Variants in GJA8 observed in about 807,000 individuals in gnomAD.
GJA8 encodes the protein gap junction alpha-8 protein.
Under a neutral mutation model 15.3 loss-of-function variants are expected in GJA8, and 13 were observed. That is an observed-to-expected ratio of 0.85 (90% confidence interval 0.55 to 1.35). GJA8 has a LOEUF of 1.35. Ranked by LOEUF, GJA8 falls within the 40% of genes most tolerant of loss-of-function variation. The pLI is 0.00. For missense variants in GJA8, 607 were observed against 553.3 expected, an observed-to-expected ratio of 1.10 and a Z score of -0.97; for synonymous variants, 304 against 238.7, an observed-to-expected ratio of 1.27 and a Z score of -2.52.
Position 147,909,021 on chromosome 1 carries a change from C to A in GJA8, c.1066C>A (p.Leu356Met). 6.3e-7 allele frequency: 1 copy of A among 1,595,398 alleles called. No individual in the cohort carries two copies. Among genetic ancestry groups the A allele is most frequent in the Non-Finnish European group, 8.5e-7 (1 of 1,170,470 alleles). ...AGAGAAGAAGGAGGAAGCAGAGAGG[C>A]TGACCACGGAGGAGCAGGAGAAGGT... ...VGEKKEEAERLTTEEQEKVAV... is the reference protein window; with the variant it reads ...VGEKKEEAERMTTEEQEKVAV... The change falls in exon 2 of 2, where the codon CTG (leucine) becomes ATG (methionine). Residue 356 changes from leucine (L) to methionine (M), a missense_variant. Leu to Met is a conservative substitution (Grantham distance 15, BLOSUM62 2). Coordinates refer to ENST00000369235, the MANE Select transcript of GJA8 (RefSeq NM_005267.5).
intron 1 of GJA8, among the ~76,000 whole-genome samples, 134 bp downstream of exon 1, chr1:147,902,995 G>A (rs1651664381): frequency 6.6e-6 from 1 of 152,118 alleles, no homozygotes; most frequent in Non-Finnish European, 1.5e-5. Flanking sequence ...GGGCTGGGAT[G>A]GCTAGACTTA....
At chr1:147,909,334 T>C (rs587770903), downstream of GJA8, 781 of 1,103,054 alleles carry the variant, frequency 7.1e-4, 12 homozygotes, top group South Asian at 9.8e-3. Flanking sequence ...CAACATGATC[T>C]GAATCTTCTG....
chr1:147,907,712 T>C (rs587743477), intron 1 of GJA8, among the ~76,000 whole-genome samples: 2 of 152,232 alleles, frequency 1.3e-5, no homozygotes, highest in Admixed American at 6.5e-5. Context: ...GAATAGGTAT[T>C]ATTATTATTA....
At chr1:147,904,983 C>G (rs1350839165) in intron 1 of GJA8, among the ~76,000 whole-genome samples, 1 of 152,156 alleles carries the variant, frequency 6.6e-6, no homozygotes, top group Non-Finnish European at 1.5e-5. Flanking sequence ...TATCATGACA[C>G]TCTTGTCAAG....
downstream of GJA8, among the ~76,000 whole-genome samples, chr1:147,914,234 G>A (rs926317472): frequency 6.6e-5 from 10 of 152,170 alleles, no homozygotes; most frequent in Admixed American, 5.9e-4. Flanking sequence ...GAATTCATAA[G>A]GTTGTCTGAA....
downstream of GJA8, chr1:147,909,298 T>G (rs1359857172): frequency 7.3e-7 from 1 of 1,363,170 alleles, no homozygotes; most frequent in East Asian, 2.3e-5. Context: ...CAAGCTTACG[T>G]AGGGCAAGAT....
In GJA8 at chr1:147,907,739, G is replaced by A. The variant is rs147893095; in HGVS notation, c.-11-206G>A. Reference sequence around the variant, plus strand: ...TTATTATTAAACCCATTTTACAGATGAGGAAGCGGATGGAAGCACATTCTT... The same window carrying A: ...TTATTATTAAACCCATTTTACAGATAAGGAAGCGGATGGAAGCACATTCTT... On this transcript the variant is annotated intron_variant, in intron 1 of 1. Transcript: ENST00000369235. 5.8e-3 allele frequency among the ~76,000 whole-genome samples: 889 copies of A among 152,270 alleles called. 8 individuals carry two copies. Among genetic ancestry groups the A allele is most frequent in the African/African-American group, 0.02 (835 of 41,526 alleles).
At chr1:147,912,571 A>G (rs1652207394), downstream of GJA8, among the ~76,000 whole-genome samples, 1 of 152,160 alleles carries the variant, frequency 6.6e-6, no homozygotes, top group African/African-American at 2.4e-5. Context: ...ACCACTCAGC[A>G]TCTGTTTTGA....
At chr1:147,912,895 T>TAA (rs782718322), downstream of GJA8, among the ~76,000 whole-genome samples, 20 of 118,982 alleles carry the variant, frequency 1.7e-4, no homozygotes, top group Admixed American at 3.5e-4. Flanking sequence ...GGGCATTATT[T>TAA]AAAAAAAAAA....
chr1:147,903,788 A>C (rs2149013100), intron 1 of GJA8, among the ~76,000 whole-genome samples: 2 of 152,308 alleles, frequency 1.3e-5, no homozygotes, highest in Middle Eastern at 3.4e-3. Context: ...CAATGTAGTA[A>C]ATGTTTCACC....
Position 147,908,952 on chromosome 1 carries a change from G to A in GJA8, c.997G>A (p.Gly333Ser), listed in dbSNP as rs587600450. Reference protein sequence around the residue: ...YAQVGAQEVEGEGPPAEEGAE... With the variant: ...YAQVGAQEVESEGPPAEEGAE... ...TCAGGTGGGGGCACAAGAAGTGGAG[G>A]GCGAGGGGCCGCCTGCAGAGGAGGG... is the stretch of plus-strand genomic sequence containing the variant. Residue 333 changes from glycine (G) to serine (S), a missense_variant, in exon 2 of 2, where the codon GGC (glycine) becomes AGC (serine). By Grantham distance (56) the Gly-to-Ser change is moderately conservative. Coordinates refer to ENST00000369235, the MANE Select transcript of GJA8 (RefSeq NM_005267.5). The A allele has an allele frequency of 1.2e-5, 20 of 1,606,398 alleles. No homozygotes were observed. The highest frequency in any genetic ancestry group is 1.6e-5 in the Non-Finnish European group (19 of 1,175,216).
intron 1 of GJA8, among the ~76,000 whole-genome samples, chr1:147,907,062 T>G (rs1286010266): frequency 6.6e-6 from 1 of 151,842 alleles, no homozygotes; most frequent in African/African-American, 2.4e-5. Flanking sequence ...GTTTTTAAAG[T>G]TTTTTGTAGA....
At chr1:147,903,533 G>A (rs1325326243) in intron 1 of GJA8, among the ~76,000 whole-genome samples, 9 of 152,290 alleles carry the variant, frequency 5.9e-5, no homozygotes, top group African/African-American at 1.9e-4. Flanking sequence ...CAAAACCAGA[G>A]GAGGGCTATG....
In GJA8 at chr1:147,908,996, A is replaced by C. The variant is rs1553242969; in HGVS notation, c.1041A>C (p.Gly347=). The part of the protein sequence containing the change: ...PAEEGAEPEV[G]EKKEEAERLT... Reference sequence around the variant, plus strand: ...AGGAGGGAGCCGAACCCGAGGTGGGAGAGAAGAAGGAGGAAGCAGAGAGGC... The same window carrying C: ...AGGAGGGAGCCGAACCCGAGGTGGGCGAGAAGAAGGAGGAAGCAGAGAGGC... The change falls in exon 2 of 2, where the codon GGA becomes GGC. Residue 347 remains glycine (G), a synonymous_variant. Transcript: ENST00000369235. 1.3e-6 allele frequency: 2 copies of C among 1,595,014 alleles called. No homozygotes were observed.
At chr1:147,907,668 A>G (rs1260975409) in intron 1 of GJA8, among the ~76,000 whole-genome samples, 1 of 152,218 alleles carries the variant, frequency 6.6e-6, no homozygotes, top group African/African-American at 2.4e-5. Flanking sequence ...ATATTGCCTC[A>G]TTGATGCTTT....
At position 147,908,361 on chromosome 1, in the gene GJA8, A is replaced by G; in HGVS notation, c.406A>G (p.Lys136Glu). Residue 136 changes from lysine to glutamate, a missense_variant, in exon 2 of 2, where the codon AAA (lysine) becomes GAA (glutamate). Coordinates refer to ENST00000369235, the MANE Select transcript of GJA8 (RefSeq NM_005267.5). The stretch of plus-strand genomic sequence containing the variant: ...CAGCGTCAAGAAGAGCAGCGGCAGC[A>G]AAGGCACTAAGAAGTTCCGGCTGGA... Reference protein sequence around the residue: ...QGSVKKSSGSKGTKKFRLEGT... With the variant: ...QGSVKKSSGSEGTKKFRLEGT... The G allele has an allele frequency of 6.2e-7, 1 of 1,614,214 alleles. No individual in the cohort carries two copies. The highest frequency in any genetic ancestry group is 2.2e-5 in the East Asian group (1 of 44,874).
chr1:147,909,924 A>G (rs1406890182), downstream of GJA8, among the ~76,000 whole-genome samples: 4 of 152,134 alleles, frequency 2.6e-5, no homozygotes, highest in East Asian at 1.9e-4. Flanking sequence ...CAGTGGCACA[A>G]TCTCAGCTCA....
rs587598853 is a variant in GJA8, at chr1:147,909,048, G to A, written c.1093G>A (p.Ala365Thr). 8.7e-6 allele frequency: 14 copies of A among 1,600,550 alleles called. No individual in the cohort carries two copies. The highest frequency in any genetic ancestry group is 8.0e-5 in the African/African-American group (6 of 74,792). ...GACCACGGAGGAGCAGGAGAAGGTG[G>A]CCGTGCCAGAGGGGGAGAAAGTAGA... Reference protein sequence around the residue: ...RLTTEEQEKVAVPEGEKVETP... With the variant: ...RLTTEEQEKVTVPEGEKVETP... The change falls in exon 2 of 2, where the codon GCC (alanine) becomes ACC (threonine). Residue 365 changes from alanine to threonine, a missense_variant. Physicochemically the swap from Ala to Thr is moderately conservative, Grantham distance 58 (BLOSUM62 0). Coordinates refer to ENST00000369235, the MANE Select transcript of GJA8 (RefSeq NM_005267.5).
intron 1 of GJA8, among the ~76,000 whole-genome samples, chr1:147,906,183 A>C (rs1425161781): frequency 6.6e-6 from 1 of 152,282 alleles, no homozygotes; most frequent in Non-Finnish European, 1.5e-5. Context: ...CTAGGCCTAT[A>C]GCATGGGGCA....
Sources: gnomAD v4.1 joint callset for allele counts (sites outside exome capture counted in the v4.1 genomes callset) on GRCh38, gnomAD v4.1.1 for gene constraint, MANE v1.5 for transcripts, NCBI Gene and HGNC (gene_info 2026-07-23, HGNC 2026-07-21) for gene names.